Variants in ZUP1 observed in about 807,000 individuals in gnomAD.
ZUP1 encodes zinc finger-containing ubiquitin peptidase 1.
ZUP1 carries 55 observed loss-of-function variants against 68.1 expected under a neutral mutation model. The observed-to-expected ratio is 0.81, with a 90% CI of 0.65 to 1.01. ZUP1 has a LOEUF of 1.01. Ranked by LOEUF, ZUP1 falls within the 50% of genes least tolerant of loss-of-function variation. The pLI is 0.00. For synonymous variants in ZUP1, 223 were observed against 221.5 expected (o/e 1.01, Z -0.06); for missense variants, 684 against 674.9 (o/e 1.01, Z -0.15).
intron 9 of ZUP1, among the ~76,000 whole-genome samples, chr6:116,639,584 G>T (rs2115378166): frequency 6.6e-6 from 1 of 152,276 alleles, no homozygotes; most frequent in Non-Finnish European, 1.5e-5. Flanking sequence ...AAACGGTCTG[G>T]AGTGGACCTC....
chr6:116,651,383 CCT>C (rs2114253964), intron 7 of ZUP1, among the ~76,000 whole-genome samples, 187 bp downstream of exon 7: 1 of 152,234 alleles, frequency 6.6e-6, no homozygotes, highest in East Asian at 1.9e-4. Flanking sequence ...GTGACAGTTG[CCT>C]CTGAGAGACA....
intron 7 of ZUP1, among the ~76,000 whole-genome samples, chr6:116,649,894 C>A (rs1776427108): frequency 6.6e-6 from 1 of 151,918 alleles, no homozygotes; most frequent in Non-Finnish European, 1.5e-5. Context: ...ATAGAAAAGA[C>A]TAAAACAAAC....
chr6:116,642,748 C>G (rs1776150081), intron 9 of ZUP1, among the ~76,000 whole-genome samples: 1 of 152,024 alleles, frequency 6.6e-6, no homozygotes, highest in Non-Finnish European at 1.5e-5. Context: ...TGGGCAAAAA[C>G]TGGAAGCATT....
Position 116,655,163 on chromosome 6 carries a change from A to G in ZUP1, c.961+1521T>C, listed in dbSNP as rs141635137. ...AGAAACTCCTGAAGTAGACATGTTC[A>G]TAAATTATAAGAGTAGAAAACTGGA... On this transcript the variant is annotated intron_variant, in intron 5 of 9. Coordinates refer to ENST00000368576, the MANE Select transcript of ZUP1 (RefSeq NM_145062.3). Among the ~76,000 whole-genome samples the G allele has an allele frequency of 3.3e-3, 496 of 152,252 alleles. 13 individuals carry two copies. The highest frequency in any genetic ancestry group is 0.024 in the Admixed American group (368 of 15,298).
intron 4 of ZUP1, 90 bp downstream of exon 4, chr6:116,658,713 A>G (rs749167146): frequency 3.6e-5 from 47 of 1,313,562 alleles, no homozygotes; most frequent in Admixed American, 5.5e-5. Context: ...TTTTTGAATA[A>G]TAACAAGGAC....
intron 7 of ZUP1, among the ~76,000 whole-genome samples, 183 bp downstream of exon 7, chr6:116,651,389 A>G (rs926455977): frequency 6.6e-6 from 1 of 152,214 alleles, no homozygotes; most frequent in African/African-American, 2.4e-5. Context: ...GTTGCCTCTG[A>G]GAGACAGAAC....
intron 5 of ZUP1, 79 bp from the exon 6 acceptor site, chr6:116,652,271 CCTT>C: frequency 1.1e-5 from 11 of 1,046,826 alleles, no homozygotes; most frequent in Non-Finnish European, 1.5e-5. Flanking sequence ...ATCAACCTCT[CCTT>C]CACGCACCAT....
chr6:116,657,785 A>G (rs552164806), intron 4 of ZUP1, among the ~76,000 whole-genome samples: 1 of 152,162 alleles, frequency 6.6e-6, no homozygotes, highest in African/African-American at 2.4e-5. Context: ...CTAAAAAAAG[A>G]ACATTTAAAA....
chr6:116,646,021 G>T, intron 8 of ZUP1, 87 bp from the exon 9 acceptor site: 2 of 925,772 alleles, frequency 2.2e-6, no homozygotes, highest in Non-Finnish European at 3.2e-6. Context: ...GTGATCATAT[G>T]TGTGTTTAGA....
chr6:116,654,641 C>T (rs1474960527), intron 5 of ZUP1, among the ~76,000 whole-genome samples: 1 of 151,980 alleles, frequency 6.6e-6, no homozygotes, highest in African/African-American at 2.4e-5. Flanking sequence ...ACACAAACCA[C>T]AGGCCTGAAA....
intron 9 of ZUP1, among the ~76,000 whole-genome samples, chr6:116,641,775 A>G (rs1489626639): frequency 6.6e-6 from 1 of 152,156 alleles, no homozygotes; most frequent in Non-Finnish European, 1.5e-5. Context: ...TCACAATTAA[A>G]AGAACTAGAA....
rs548339843 is a variant in ZUP1 at position 116,658,682 on chromosome 6, G to C, written c.792+121C>G. On this transcript the variant is annotated intron_variant, in intron 4 of 9. Coordinates refer to ENST00000368576, the MANE Select transcript of ZUP1 (RefSeq NM_145062.3). Reference sequence around the variant, plus strand: ...GAATGAATATTTATAAATGGTGTCTGTTACAAACATGTATAAATTTTTTTT... The same window carrying C: ...GAATGAATATTTATAAATGGTGTCTCTTACAAACATGTATAAATTTTTTTT... 4.9e-5 allele frequency: 44 copies of C among 899,306 alleles called. No homozygotes were observed. The highest frequency in any genetic ancestry group is 1.8e-4 in the Admixed American group (6 of 32,682). 55.7% of individuals were successfully genotyped at this position (899,306 alleles called of 1,614,324 possible). A position where few individuals can be genotyped will look rare whatever the true frequency, so the allele number is the denominator to read the frequency against.
chr6:116,656,686 G>C lies in ZUP1; in HGVS notation c.959C>G (p.Ser320Cys), dbSNP rs142491987. Residue 320 changes from serine (S) to cysteine (C), a missense_variant and splice_region_variant, in exon 5 of 10, where the codon TCC becomes TGC. Physicochemically the swap from Ser to Cys is moderately radical, Grantham distance 112 (BLOSUM62 -1). Coordinates refer to ENST00000368576, the MANE Select transcript of ZUP1 (RefSeq NM_145062.3). ...GACTCTGATGTTTAAATACTCACCG[G>C]AAGTTTTTGTTTTTCCATCGTCAAA... ...LGFDDGKTKT[S>C]GIIEALHRYY... 15 of 1,608,444 alleles carry C rather than the reference G, an allele frequency of 9.3e-6. No individual in the cohort carries two copies. The highest frequency in any genetic ancestry group is 2.7e-5 in the African/African-American group (2 of 74,672).
At chr6:116,642,997 T>C (rs1475188293) in intron 9 of ZUP1, among the ~76,000 whole-genome samples, 4 of 152,266 alleles carry the variant, frequency 2.6e-5, no homozygotes, top group African/African-American at 9.6e-5. Flanking sequence ...AGTCTCAGGA[T>C]ACAAAATCAA....
At chr6:116,646,195 C>A (rs1044802071) in intron 8 of ZUP1, 2 of 295,180 alleles carry the variant, frequency 6.8e-6, no homozygotes, top group Non-Finnish European at 1.2e-5. Context: ...CTTTCCCAAT[C>A]CTTTGATCCT....
chr6:116,639,473 G>A (rs1379614905), intron 9 of ZUP1, among the ~76,000 whole-genome samples: 6 of 152,250 alleles, frequency 3.9e-5, no homozygotes, highest in African/African-American at 1.4e-4. Flanking sequence ...ACACGGCCGG[G>A]TACTCCTCTG....
At chr6:116,638,284 G>A (rs1562397131) in intron 9 of ZUP1, among the ~76,000 whole-genome samples, 1 of 151,858 alleles carries the variant, frequency 6.6e-6, no homozygotes, top group East Asian at 1.9e-4. Context: ...TAGGGCTTAC[G>A]CATTTTCTAC....
chr6:116,652,192 C>A lies in ZUP1; in HGVS notation c.962G>T (p.Gly321Val), dbSNP rs1487639312. The A allele has an allele frequency of 1.2e-6, 2 of 1,608,696 alleles. No homozygotes were observed. The highest frequency in any genetic ancestry group is 8.5e-7 in the Non-Finnish European group (1 of 1,177,824). The change falls in exon 6 of 10, where the codon GGA (glycine) becomes GTA (valine). Residue 321 changes from glycine (G) to valine (V), a missense_variant and splice_region_variant. Transcript: ENST00000368576. ...ATACCTATGAAGTGCTTCAATAATT[C>A]CTAAAGTAGAAAAGAGATTCAGAAG... The part of the protein sequence containing the change: ...GFDDGKTKTS[G>V]IIEALHRYYQ...
chr6:116,667,051 T>C lies in ZUP1; in HGVS notation c.142A>G (p.Ile48Val), dbSNP rs762423872. The change falls in exon 2 of 10, where the codon ATC (isoleucine) becomes GTC (valine). Residue 48 changes from isoleucine to valine, a missense_variant. Transcript: ENST00000368576. ...GVNYDEMCFH[I>V]ETAHFEQNTL... ...TTCTGCTCAAAATGAGCTGTTTCGA[T>C]ATGAAAACACATTTCATCATAATTC... is the stretch of plus-strand genomic sequence containing the variant. 8.7e-6 allele frequency: 14 copies of C among 1,613,748 alleles called. No individual in the cohort carries two copies. Among genetic ancestry groups the C allele is most frequent in the Non-Finnish European group, 1.0e-5 (12 of 1,179,886 alleles).
Sources: gnomAD v4.1 joint callset for allele counts (sites outside exome capture counted in the v4.1 genomes callset) on GRCh38, gnomAD v4.1.1 for gene constraint, MANE v1.5 for transcripts, NCBI Gene and HGNC (gene_info 2026-07-23, HGNC 2026-07-21) for gene names.